RTN4RL1: variants seen among roughly 807,000 people sequenced by gnomAD.
RTN4RL1 encodes the protein reticulon 4 receptor like 1, also known as reticulon-4 receptor-like 1.
Under a neutral mutation model 25.6 loss-of-function variants are expected in RTN4RL1, and 7 were observed. The observed-to-expected ratio is 0.27, with a 90% CI of 0.16 to 0.51. RTN4RL1 has a LOEUF of 0.51. Among genes scored for constraint, RTN4RL1 ranks in the 20% least tolerant of loss-of-function variants. The pLI, the probability that RTN4RL1 is intolerant of heterozygous loss-of-function variation, is 0.97. For synonymous variants in RTN4RL1, 297 were observed against 288.2 expected (o/e 1.03, Z -0.31); for missense variants, 500 against 615.6 (o/e 0.81, Z 1.99).
At chr17:2,016,303 C>T (rs2067122113) in intron 1 of RTN4RL1, among the ~76,000 whole-genome samples, 1 of 152,154 alleles carries the variant, frequency 6.6e-6, no homozygotes, top group Non-Finnish European at 1.5e-5. Context: ...ATCACTTGAA[C>T]CCAGGAGGCA....
In RTN4RL1 at chr17:1,936,523, T is replaced by A; in HGVS notation, c.1299A>T (p.Thr433=). Residue 433 remains threonine, a synonymous_variant, in exon 2 of 2, where the codon ACA becomes ACT. Transcript: ENST00000331238. ...AGCGGAGAGTGACCGCCAGCCCCAGTGTCCAGGCCAGGAGGGAGGCCCCCA... is the reference window on the plus strand; with the variant it reads ...AGCGGAGAGTGACCGCCAGCCCCAGAGTCCAGGCCAGGAGGGAGGCCCCCA... ...SSLGASLLAW[T]LGLAVTLR 1.3e-6 allele frequency: 2 copies of A among 1,549,324 alleles called. No individual in the cohort carries two copies. The highest frequency in any genetic ancestry group is 1.7e-6 in the Non-Finnish European group (2 of 1,149,244).
chr17:2,016,328 C>T (rs2067122418), intron 1 of RTN4RL1, among the ~76,000 whole-genome samples: 1 of 152,120 alleles, frequency 6.6e-6, no homozygotes, highest in Admixed American at 6.5e-5. Context: ...TTGCAGTGAG[C>T]CAAGATCACA....
At chr17:1,967,453 AAACCCGC>A (rs531362596) in intron 1 of RTN4RL1, among the ~76,000 whole-genome samples, 114 of 151,800 alleles carry the variant, frequency 7.5e-4, no homozygotes, top group African/African-American at 2.7e-3. Context: ...TTGAACCACA[AAACCCGC>A]CCAACCCAAA....
intron 1 of RTN4RL1, among the ~76,000 whole-genome samples, chr17:2,021,829 A>C (rs1470764356): frequency 1.4e-5 from 2 of 143,806 alleles, no homozygotes; most frequent in Non-Finnish European, 3.0e-5. Context: ...TGCTGGGATT[A>C]CAGGTGTGAG....
intron 1 of RTN4RL1, among the ~76,000 whole-genome samples, chr17:1,973,270 T>G (rs1315598549): frequency 6.8e-6 from 1 of 147,562 alleles, no homozygotes; most frequent in Non-Finnish European, 1.5e-5. Context: ...GAGGCTGAGG[T>G]GGGAGAATCA....
chr17:2,024,746 C>T (rs1214294252), intron 1 of RTN4RL1, 107 bp downstream of exon 1: 30 of 1,159,658 alleles, frequency 2.6e-5, no homozygotes, highest in Non-Finnish European at 3.6e-5. Flanking sequence ...ACCAGCCCGC[C>T]GGGGGCTACT....
chr17:1,987,362 A>C (rs1196677020), intron 1 of RTN4RL1, among the ~76,000 whole-genome samples: 1 of 152,284 alleles, frequency 6.6e-6, no homozygotes, highest in African/African-American at 2.4e-5. Flanking sequence ...GTGGGGGAAG[A>C]GAAGTTCTCC....
intron 1 of RTN4RL1, among the ~76,000 whole-genome samples, chr17:1,973,856 T>C (rs1322123888): frequency 2.0e-5 from 3 of 151,758 alleles, no homozygotes; most frequent in Admixed American, 6.6e-5. Context: ...CTGGCCAACA[T>C]AGTGAAACCC....
intron 1 of RTN4RL1, among the ~76,000 whole-genome samples, chr17:1,945,644 C>T (rs1035558322): frequency 2.0e-5 from 3 of 152,236 alleles, no homozygotes; most frequent in African/African-American, 7.2e-5. Flanking sequence ...AGCCACCACG[C>T]CCGGCCGCCC....
intron 1 of RTN4RL1, among the ~76,000 whole-genome samples, chr17:2,010,962 C>T (rs919946522): frequency 1.3e-5 from 2 of 152,016 alleles, no homozygotes; most frequent in Admixed American, 6.6e-5. Context: ...GTTAAATAAA[C>T]GTTTGTCGGC....
chr17:1,949,392 T>A (rs1027630546), intron 1 of RTN4RL1, among the ~76,000 whole-genome samples: 1 of 152,178 alleles, frequency 6.6e-6, no homozygotes, highest in Non-Finnish European at 1.5e-5. Flanking sequence ...CCACAACGCC[T>A]GGCCAAGACC....
intron 1 of RTN4RL1, among the ~76,000 whole-genome samples, chr17:2,003,921 C>T (rs2066975681): frequency 6.6e-6 from 1 of 151,994 alleles, no homozygotes; most frequent in Non-Finnish European, 1.5e-5. Context: ...AAATACAAAA[C>T]TTAGCTGGGC....
chr17:2,012,479 GA>G (rs1325440045), intron 1 of RTN4RL1, among the ~76,000 whole-genome samples: 1 of 152,184 alleles, frequency 6.6e-6, no homozygotes, highest in East Asian at 1.9e-4. Flanking sequence ...ATTGCACAGG[GA>G]AAAGTGCGTG....
chr17:1,948,966 T>C (rs921727998), intron 1 of RTN4RL1, among the ~76,000 whole-genome samples: 1 of 149,528 alleles, frequency 6.7e-6, no homozygotes, highest in Non-Finnish European at 1.5e-5. Context: ...CTAATTTTTG[T>C]TTTTTTTTGA....
At chr17:1,970,461 G>A (rs4790302) in intron 1 of RTN4RL1, among the ~76,000 whole-genome samples, 58,976 of 152,056 alleles carry the variant, frequency 0.39, 11,830 homozygotes, top group Admixed American at 0.54. Flanking sequence ...AACTGGCACA[G>A]CCTTACTTTC....
At chr17:2,024,779 C>G in intron 1 of RTN4RL1, 74 bp downstream of exon 1, 3 of 1,485,946 alleles carry the variant, frequency 2.0e-6, no homozygotes. Context: ...AGCCCCGGCG[C>G]CGGGCGGCGC....
chr17:1,955,184 C>A (rs10438741), intron 1 of RTN4RL1, among the ~76,000 whole-genome samples: 1 of 151,956 alleles, frequency 6.6e-6, no homozygotes, highest in Non-Finnish European at 1.5e-5. Context: ...TAGCATAGGC[C>A]TTGTGTGCGG....
rs1431749313 is a variant in RTN4RL1 at position 2,013,865 on chromosome 17, C to T, written c.13+10988G>A. On this transcript the variant is annotated intron_variant, in intron 1 of 1. Transcript: ENST00000331238. ...CCTGGAACATAAATACCCCAGCTCT[C>T]TCACCCTTGGGGTTTGATAGCTTTG... Among the ~76,000 whole-genome samples, 3 of 151,606 alleles carry T rather than the reference C, an allele frequency of 2.0e-5. No homozygotes were observed. The East Asian group carries it at 5.8e-4, about 29-fold the overall frequency.
chr17:1,941,470 C>G (rs978159178), intron 1 of RTN4RL1, among the ~76,000 whole-genome samples: 1 of 152,018 alleles, frequency 6.6e-6, no homozygotes, highest in African/African-American at 2.4e-5. Flanking sequence ...CTCACATTCC[C>G]GGTCTCAAGG....
Sources: gnomAD v4.1 joint callset for allele counts (sites outside exome capture counted in the v4.1 genomes callset) on GRCh38, gnomAD v4.1.1 for gene constraint, MANE v1.5 for transcripts, NCBI Gene and HGNC (gene_info 2026-07-23, HGNC 2026-07-21) for gene names.